SLC44A5: variants seen among roughly 807,000 people sequenced by gnomAD.
The protein encoded by SLC44A5 is solute carrier family 44 member 5.
Under a neutral mutation model 101.8 loss-of-function variants are expected in SLC44A5, and 57 were observed. That is an observed-to-expected ratio of 0.56 (90% confidence interval 0.45 to 0.70). The LOEUF is 0.70. Ranked by LOEUF, SLC44A5 falls within the 30% of genes least tolerant of loss-of-function variation. The probability of loss-of-function intolerance (pLI) is 0.00; values close to 1 mark genes in which losing one functional copy is unlikely to be tolerated. For missense variants in SLC44A5, 737 were observed against 853.1 expected (o/e 0.86, Z 1.70); for synonymous variants, 281 against 290.9 (o/e 0.97, Z 0.35).
chr1:75,220,881 TTG>T (rs1203682804), intron 14 of SLC44A5, among the ~76,000 whole-genome samples: 2 of 152,218 alleles, frequency 1.3e-5, no homozygotes, highest in Non-Finnish European at 2.9e-5. Flanking sequence ...AAGTGAATTA[TTG>T]TGTGTCCTTA....
chr1:75,675,760 AACAG>A, the SLC44A5 span, among the ~76,000 whole-genome samples: 1 of 152,222 alleles, frequency 6.6e-6, no homozygotes, highest in African/African-American at 2.4e-5. Context: ...CATCAGAGTG[AACAG>A]ACAACCTATA....
At chr1:75,640,742 G>A in the SLC44A5 span, among the ~76,000 whole-genome samples, 2 of 152,042 alleles carry the variant, frequency 1.3e-5, no homozygotes, top group African/African-American at 4.8e-5. Flanking sequence ...ATGAAGTAGA[G>A]TTGTGCCTTC....
intron 3 of SLC44A5, among the ~76,000 whole-genome samples, chr1:75,353,587 T>C (rs1395922208): frequency 6.6e-6 from 1 of 152,198 alleles, no homozygotes; most frequent in African/African-American, 2.4e-5. Context: ...AAAAATTATT[T>C]GTTCTGCTAC....
chr1:75,391,693 C>A (rs763574132), intron 3 of SLC44A5, among the ~76,000 whole-genome samples: 32 of 152,146 alleles, frequency 2.1e-4, no homozygotes, highest in Non-Finnish European at 4.1e-4. Flanking sequence ...AACTAGACCT[C>A]CTACCTATCA....
chr1:75,386,515 C>T lies in SLC44A5; in HGVS notation c.52+10068G>A, dbSNP rs189795683. ...TCCAACTTACAAGGGATGTGAAGGA[C>T]GTCTTCAAGGAGAACTACAAACCGC... is the stretch of plus-strand genomic sequence containing the variant. On this transcript the variant is annotated intron_variant, in intron 3 of 23. Coordinates refer to ENST00000370859, the MANE Select transcript of SLC44A5 (RefSeq NM_001130058.2). 3.6e-3 allele frequency among the ~76,000 whole-genome samples: 551 copies of T among 152,184 alleles called. 2 individuals are homozygous for T. The highest frequency in any genetic ancestry group is 0.013 in the African/African-American group (534 of 41,516).
intron 1 of SLC44A5, among the ~76,000 whole-genome samples, chr1:75,602,302 G>T (rs1473209461): frequency 1.3e-5 from 2 of 152,106 alleles, no homozygotes; most frequent in Non-Finnish European, 2.9e-5. Context: ...TCAAGTGAAG[G>T]CTATGTCCTT....
intron 2 of SLC44A5, among the ~76,000 whole-genome samples, chr1:75,498,914 T>C (rs1668806130): frequency 1.3e-5 from 2 of 152,242 alleles, no homozygotes; most frequent in Admixed American, 6.5e-5. Flanking sequence ...TATAGTCATA[T>C]GCCATGTAAC....
intron 2 of SLC44A5, chr1:75,402,487 C>T: frequency 2.7e-6 from 1 of 372,222 alleles, no homozygotes. Context: ...ACTGAGGTAC[C>T]CTGCTCATCT....
At chr1:75,459,201 A>G (rs1160004533) in intron 2 of SLC44A5, among the ~76,000 whole-genome samples, 2 of 152,228 alleles carry the variant, frequency 1.3e-5, no homozygotes, top group Non-Finnish European at 2.9e-5. Context: ...AGGAAGAACC[A>G]TCTCTCCTCT....
intron 2 of SLC44A5, among the ~76,000 whole-genome samples, chr1:75,469,338 A>G (rs911433937): frequency 6.6e-6 from 1 of 152,196 alleles, no homozygotes; most frequent in Non-Finnish European, 1.5e-5. Context: ...TGATAAAAGA[A>G]TGTTGAAAAT....
rs143371416 is a variant in SLC44A5, at chr1:75,350,850, T to C, written c.53-11220A>G. On this transcript the variant is annotated intron_variant, in intron 3 of 23. Coordinates refer to ENST00000370859, the MANE Select transcript of SLC44A5 (RefSeq NM_001130058.2). Reference sequence around the variant, plus strand: ...TGAAGGTTGCAGTGAACCAAGATTGTGCCATTGCACTTCAGCCTGCGTGAC... The same window carrying C: ...TGAAGGTTGCAGTGAACCAAGATTGCGCCATTGCACTTCAGCCTGCGTGAC... 9.4e-3 allele frequency among the ~76,000 whole-genome samples: 1,312 copies of C among 140,288 alleles called. 28 individuals carry two copies. The highest frequency in any genetic ancestry group is 0.034 in the African/African-American group (1,255 of 37,352). The allele number at this position is 140,288 out of a possible 152,430, so 92.0% of individuals were successfully genotyped here. A position where few individuals can be genotyped will look rare whatever the true frequency, so the allele number is the denominator to read the frequency against.
chr1:75,297,980 C>A (rs936283003), intron 5 of SLC44A5, among the ~76,000 whole-genome samples: 6 of 151,354 alleles, frequency 4.0e-5, no homozygotes, highest in Non-Finnish European at 7.4e-5. Flanking sequence ...ACAACAACAA[C>A]AAAAATGTCT....
At chr1:75,516,870 G>A (rs541829165) in intron 2 of SLC44A5, among the ~76,000 whole-genome samples, 5 of 152,328 alleles carry the variant, frequency 3.3e-5, no homozygotes, top group African/African-American at 1.2e-4. Context: ...CTATTTCAAA[G>A]TGGCTCTTAG....
chr1:75,283,505 C>G (rs1652789421), intron 5 of SLC44A5, among the ~76,000 whole-genome samples: 2 of 151,802 alleles, frequency 1.3e-5, no homozygotes, highest in African/African-American at 2.4e-5. Context: ...TTAGTTAAGT[C>G]CCATCAATTT....
chr1:75,383,352 C>T (rs1026449723), intron 3 of SLC44A5, among the ~76,000 whole-genome samples: 45 of 146,582 alleles, frequency 3.1e-4, no homozygotes, highest in Middle Eastern at 3.5e-3. Flanking sequence ...CCCGGTTCCC[C>T]TTATTTCTTT....
At chr1:75,472,393 A>G (rs1486086244) in intron 2 of SLC44A5, among the ~76,000 whole-genome samples, 1 of 152,146 alleles carries the variant, frequency 6.6e-6, no homozygotes, top group Non-Finnish European at 1.5e-5. Context: ...TTGAGGGTTC[A>G]TTAATCTCAA....
chr1:75,323,519 T>G lies in SLC44A5; in HGVS notation c.101+16063A>C, dbSNP rs970330749. Among the ~76,000 whole-genome samples, 7 of 152,322 alleles carry G rather than the reference T, an allele frequency of 4.6e-5. No homozygotes were observed. In the East Asian group the frequency reaches 1.4e-3, roughly 29 times the overall value. ...CTAGATCCCTGAGGAATCGCCACACTGACTTCCACAATGGCTTCCACAATG... is the reference window on the plus strand; with the variant it reads ...CTAGATCCCTGAGGAATCGCCACACGGACTTCCACAATGGCTTCCACAATG... On this transcript the variant is annotated intron_variant, in intron 4 of 23. Coordinates refer to ENST00000370859, the MANE Select transcript of SLC44A5 (RefSeq NM_001130058.2).
intron 2 of SLC44A5, among the ~76,000 whole-genome samples, chr1:75,506,051 T>A (rs1351489449): frequency 6.6e-6 from 1 of 152,168 alleles, no homozygotes; most frequent in Non-Finnish European, 1.5e-5. Flanking sequence ...AGGGGTCTAG[T>A]TTCATTCTTC....
At chr1:75,341,522 A>G (rs768754535) in intron 3 of SLC44A5, among the ~76,000 whole-genome samples, 16 of 152,046 alleles carry the variant, frequency 1.1e-4, no homozygotes, top group Admixed American at 9.2e-4. Flanking sequence ...AAGAGAAAAG[A>G]AAGAAAAAGA....
Sources: allele counts gnomAD v4.1 joint callset (sites outside exome capture counted in the v4.1 genomes callset), GRCh38; gene constraint gnomAD v4.1.1; transcripts MANE v1.5; gene names NCBI Gene and HGNC (gene_info 2026-07-23, HGNC 2026-07-21).